Variants in ADARB1 observed in about 807,000 individuals in gnomAD.
The protein encoded by ADARB1 is adenosine deaminase RNA specific B1, also known as double-stranded RNA-specific editase 1.
In ADARB1, 10 loss-of-function variants were observed where a neutral mutation model predicts 52.4. That is an observed-to-expected ratio of 0.19 (90% CI 0.12 to 0.32). The LOEUF is 0.32. Ranked by LOEUF, ADARB1 falls within the 10% of genes least tolerant of loss-of-function variation. The probability of loss-of-function intolerance (pLI) is 1.00; values close to 1 mark genes in which losing one functional copy is unlikely to be tolerated. For synonymous variants in ADARB1, 349 were observed against 371.1 expected, an observed-to-expected ratio of 0.94 and a Z score of 0.68; for missense variants, 643 against 922.3, an observed-to-expected ratio of 0.70 and a Z score of 3.92.
At chr21:45,112,799 T>C (rs1351905314) in intron 1 of ADARB1, among the ~76,000 whole-genome samples, 1 of 152,056 alleles carries the variant, frequency 6.6e-6, no homozygotes, top group Non-Finnish European at 1.5e-5. Context: ...CAAGATGACA[T>C]GTGATAACGA....
rs890007955 is a variant in ADARB1 at position 45,208,066 on chromosome 21, G to A, written c.1747+3330G>A. On this transcript the variant is annotated intron_variant, in intron 9 of 10. Transcript: ENST00000348831. This position sits in a 1 kb window ranked among gnomAD's most constrained non-coding sequence, Gnocchi z 5.6. ...AGCACTGTGGAAGAGGAAGTCTCTC[G>A]AGCTTTCTCAGACTTTCTCTCAAAT... is the stretch of plus-strand genomic sequence containing the variant. Among the ~76,000 whole-genome samples, 11 of 152,182 alleles carry A rather than the reference G, an allele frequency of 7.2e-5. No individual in the cohort carries two copies. Among genetic ancestry groups the A allele is most frequent in the African/African-American group, 9.7e-5 (4 of 41,442 alleles).
At chr21:45,104,763 C>T (rs190941178) in intron 1 of ADARB1, among the ~76,000 whole-genome samples, 4 of 152,324 alleles carry the variant, frequency 2.6e-5, no homozygotes, top group Middle Eastern at 3.4e-3. Flanking sequence ...CCCATGCTGC[C>T]GTAGATGTTT....
In ADARB1 at chr21:45,223,981, C is replaced by T. The variant is rs149387795; in HGVS notation, c.*1784C>T. The T allele has an allele frequency of 9.2e-5, 91 of 985,406 alleles. No homozygotes were observed. In the African/African-American group the frequency reaches 1.4e-3, roughly 15 times the overall value. The allele number at this position is 985,406 out of a possible 1,614,324, so 61.0% of individuals were successfully genotyped here. ...AAGCAGTCACAGCAGGCGTCTCTGC[C>T]GCTCCGTCACCACAGTGGGGTTTTG... On this transcript the variant is annotated 3_prime_UTR_variant, in exon 11 of 11. Transcript: ENST00000348831.
At chr21:45,117,024 G>A (rs1463105336) in intron 1 of ADARB1, 2 of 152,180 alleles carry the variant, frequency 1.3e-5, no homozygotes, top group Admixed American at 6.5e-5. Flanking sequence ...GATGACACTG[G>A]CGCATGGAGG....
At chr21:45,207,131 G>A (rs112770071) in intron 9 of ADARB1, among the ~76,000 whole-genome samples, 23 of 152,284 alleles carry the variant, frequency 1.5e-4, no homozygotes, top group African/African-American at 5.3e-4. Context: ...GAAAATAAAA[G>A]GACACCACTC....
chr21:45,108,366 A>G (rs2145739313), intron 1 of ADARB1, among the ~76,000 whole-genome samples: 1 of 152,310 alleles, frequency 6.6e-6, no homozygotes, highest in Middle Eastern at 3.4e-3. Flanking sequence ...GTACGTGCTT[A>G]ATTGGAAATG....
chr21:45,138,497 G>A (rs2089516537), intron 2 of ADARB1, among the ~76,000 whole-genome samples: 1 of 152,214 alleles, frequency 6.6e-6, no homozygotes, highest in South Asian at 2.1e-4. Context: ...TGTGTTTAAG[G>A]CAGGAACAAC....
At chr21:45,112,792 G>C (rs1275199889) in intron 1 of ADARB1, among the ~76,000 whole-genome samples, 1 of 152,158 alleles carries the variant, frequency 6.6e-6, no homozygotes, top group Non-Finnish European at 1.5e-5. Context: ...ATGACCCCAA[G>C]ATGACATGTG....
rs142809760 is a variant in ADARB1 at position 45,207,759 on chromosome 21, G to A, written c.1747+3023G>A. Among the ~76,000 whole-genome samples, 635 of 152,294 alleles carry A rather than the reference G, an allele frequency of 4.2e-3. 8 individuals are homozygous for A. Among genetic ancestry groups the A allele is most frequent in the African/African-American group, 0.015 (603 of 41,570 alleles). ...GTCATTCCCGTGTTAAAAAGAGAGCGCGGTATGACAGCGCCTAGTGAATTG... is the reference window on the plus strand; with the variant it reads ...GTCATTCCCGTGTTAAAAAGAGAGCACGGTATGACAGCGCCTAGTGAATTG... On this transcript the variant is annotated intron_variant, in intron 9 of 10. Transcript: ENST00000348831.
chr21:45,175,867 G>A lies in ADARB1; in HGVS notation c.166G>A (p.Glu56Lys), dbSNP rs1739404192. ...TGGCCCCGGCAGAAAGCGGCCCCTGGAGGAGGGCAGCAATGGCCACTCCAA... is the reference window on the plus strand; with the variant it reads ...TGGCCCCGGCAGAAAGCGGCCCCTGAAGGAGGGCAGCAATGGCCACTCCAA... ...GGGPGRKRPLEEGSNGHSKYR... is the reference protein window; with the variant it reads ...GGGPGRKRPLKEGSNGHSKYR... Residue 56 changes from glutamate (E) to lysine (K), a missense_variant, in exon 4 of 11, where the codon GAG (glutamate) becomes AAG (lysine). Glu to Lys is a moderately conservative substitution (Grantham distance 56). Transcript: ENST00000348831. 1.9e-6 allele frequency: 3 copies of A among 1,613,596 alleles called. No homozygotes were observed. In the African/African-American group the frequency reaches 4.0e-5, roughly 22 times the overall value.
chr21:45,106,545 C>T (rs978468918), intron 1 of ADARB1, among the ~76,000 whole-genome samples: 1 of 152,132 alleles, frequency 6.6e-6, no homozygotes, highest in Non-Finnish European at 1.5e-5. Context: ...TTTAGCTGTC[C>T]CCCTTTTCTC....
intron 1 of ADARB1, among the ~76,000 whole-genome samples, chr21:45,092,102 C>A (rs2086582920): frequency 6.6e-6 from 1 of 152,124 alleles, no homozygotes. Context: ...TGGGACTGAC[C>A]TTTGCTTCTG....
chr21:45,076,137 G>A (rs1438347925), intron 1 of ADARB1, among the ~76,000 whole-genome samples: 1 of 152,248 alleles, frequency 6.6e-6, no homozygotes, highest in East Asian at 1.9e-4. Context: ...TTTCCTTGGG[G>A]TTGAGACTGC....
At chr21:45,106,877 A>G (rs569922923) in intron 1 of ADARB1, among the ~76,000 whole-genome samples, 34 of 152,332 alleles carry the variant, frequency 2.2e-4, no homozygotes, top group African/African-American at 7.9e-4. Flanking sequence ...TGCACAAAGC[A>G]CAGATGTGCA....
chr21:45,143,198 C>T (rs2089823761), intron 2 of ADARB1, among the ~76,000 whole-genome samples: 1 of 152,198 alleles, frequency 6.6e-6, no homozygotes, highest in Non-Finnish European at 1.5e-5. Flanking sequence ...CTGTGCTCCT[C>T]ACTCAGGAAT....
At chr21:45,132,250 G>C (rs895107266) in intron 2 of ADARB1, 2 of 152,246 alleles carry the variant, frequency 1.3e-5, no homozygotes, top group Admixed American at 1.3e-4. Flanking sequence ...TGATTGATTC[G>C]CATCAGCTCA....
At chr21:45,147,060 G>A (rs1313849690) in intron 2 of ADARB1, among the ~76,000 whole-genome samples, 1 of 152,202 alleles carries the variant, frequency 6.6e-6, no homozygotes, top group Admixed American at 6.5e-5. Context: ...TGCTCACCTG[G>A]TGACTAGGTC....
At chr21:45,127,657 T>C (rs920226452) in intron 1 of ADARB1, among the ~76,000 whole-genome samples, 3 of 152,062 alleles carry the variant, frequency 2.0e-5, no homozygotes, top group Non-Finnish European at 4.4e-5. Context: ...ACGCGCACCT[T>C]ATCCCACACT....
chr21:45,114,230 T>C (rs962844841), intron 1 of ADARB1, among the ~76,000 whole-genome samples: 2 of 152,152 alleles, frequency 1.3e-5, no homozygotes, highest in African/African-American at 4.8e-5. Context: ...AGATAAGACA[T>C]GGATAGTAAC....
Sources: gnomAD v4.1 joint callset for allele counts (sites outside exome capture counted in the v4.1 genomes callset) on GRCh38, gnomAD v4.1.1 for gene constraint, Gnocchi (gnomAD v3.1) non-coding constraint, MANE v1.5 for transcripts, NCBI Gene and HGNC (gene_info 2026-07-23, HGNC 2026-07-21) for gene names.